The following CNOT1 variants were observed in gnomAD, a reference collection of about 807,000 sequenced individuals.
CNOT1 encodes the protein CCR4-associated factor 1.
In CNOT1, 15 loss-of-function variants were observed where a neutral mutation model predicts 273.8. That is an observed-to-expected ratio of 0.05 (90% CI 0.04 to 0.08). The LOEUF (loss-of-function observed/expected upper bound fraction) is 0.08. Among genes scored for constraint, CNOT1 ranks in the 10% least tolerant of loss-of-function variants. CNOT1 has a pLI of 1.00. For missense variants in CNOT1, 1,644 were observed against 2,912.2 expected (o/e 0.56, Z 10.02); for synonymous variants, 1,022 against 1,005.5 (o/e 1.02, Z -0.31).
At chr16:58,577,741 G>A (rs2041508580) in intron 13 of CNOT1, among the ~76,000 whole-genome samples, 1 of 151,872 alleles carries the variant, frequency 6.6e-6, no homozygotes, top group Admixed American at 6.6e-5. Flanking sequence ...TAGGATGGCT[G>A]AGGCAGAATG....
rs754168112 is a variant in CNOT1 at position 58,555,877 on chromosome 16, G to A, written c.2511C>T (p.Asn837=). The A allele has an allele frequency of 6.2e-7, 1 of 1,613,374 alleles. No individual in the cohort carries two copies. The highest frequency in any genetic ancestry group is 1.7e-5 in the Admixed American group (1 of 60,002). The change falls in exon 20 of 49, where the codon AAC becomes AAT. Residue 837 remains asparagine (N), a synonymous_variant. Coordinates refer to ENST00000317147, the MANE Select transcript of CNOT1 (RefSeq NM_016284.5). ...CATCTATCTCTTTACTAAAGTGCTGGTTTGCCTCTGGCCACACCTGAGACA... is the reference window on the plus strand; with the variant it reads ...CATCTATCTCTTTACTAAAGTGCTGATTTGCCTCTGGCCACACCTGAGACA... ...SDLSQVWPEA[N]QHFSKEIDDE...
intron 1 of CNOT1, among the ~76,000 whole-genome samples, chr16:58,609,896 C>A (rs1033336687): frequency 6.6e-6 from 1 of 150,606 alleles, no homozygotes; most frequent in Admixed American, 6.6e-5. Flanking sequence ...TATAATAATA[C>A]ATTAACATGT....
At chr16:58,530,787 AAAAAAAAAG>A (rs1340427131) in intron 42 of CNOT1, 1 of 151,770 alleles carries the variant, frequency 6.6e-6, no homozygotes. Flanking sequence ...TCCATCAAAA[AAAAAAAAAG>A]AAAAGAAAAG....
At chr16:58,578,390 G>A (rs1357661728) in intron 13 of CNOT1, among the ~76,000 whole-genome samples, 2 of 148,566 alleles carry the variant, frequency 1.3e-5, no homozygotes, top group Non-Finnish European at 3.0e-5. Context: ...GGAGATGGAG[G>A]TTGCAGTGAG....
intron 2 of CNOT1, chr16:58,597,899 G>A: frequency 3.8e-6 from 1 of 262,928 alleles, no homozygotes; most frequent in Non-Finnish European, 7.4e-6. Flanking sequence ...TGCACTGCTG[G>A]CTTCCAACTT....
intron 2 of CNOT1, among the ~76,000 whole-genome samples, chr16:58,598,125 G>A (rs1454254194): frequency 2.6e-5 from 4 of 151,518 alleles, no homozygotes; most frequent in South Asian, 2.1e-4. Flanking sequence ...TTTGCCGGGC[G>A]CAGTGGCTCA....
rs1393929763 is a variant in CNOT1, at chr16:58,581,407, A to G, written c.1153T>C (p.Leu385=). The G allele has an allele frequency of 6.2e-7, 1 of 1,614,068 alleles. No individual in the cohort carries two copies. ...HNVVYGIQRG[L]GMEVFPVDLI... is the part of the protein sequence containing the mutation. ...TCTACTGGGAACACTTCCATACCCA[A>G]ACCCCTCTGAATGCCATAAACCACA... The change falls in exon 11 of 49, where the codon TTG becomes CTG. Residue 385 remains leucine (L), a synonymous_variant. Coordinates refer to ENST00000317147, the MANE Select transcript of CNOT1 (RefSeq NM_016284.5).
intron 38 of CNOT1, 144 bp downstream of exon 38, chr16:58,537,747 A>G (rs2039968890): frequency 9.4e-7 from 1 of 1,065,622 alleles, no homozygotes; most frequent in Non-Finnish European, 1.3e-6. Flanking sequence ...TCAAGTGACA[A>G]TATTAGCCCT....
intron 45 of CNOT1, 35 bp from the exon 46 acceptor site, chr16:58,525,394 C>A (rs964675889): frequency 1.9e-6 from 3 of 1,587,560 alleles, no homozygotes; most frequent in Non-Finnish European, 1.7e-6. Context: ...CTTATGCTTA[C>A]TCCTGCAGAG....
intron 2 of CNOT1, among the ~76,000 whole-genome samples, chr16:58,598,494 A>C (rs982088132): frequency 6.6e-6 from 1 of 151,344 alleles, no homozygotes; most frequent in Non-Finnish European, 1.5e-5. Context: ...ACTTGAACCC[A>C]GGACAAGGAG....
intron 44 of CNOT1, among the ~76,000 whole-genome samples, chr16:58,526,511 TAAAAAAAAA>T (rs57367601): frequency 8.7e-5 from 7 of 80,814 alleles, no homozygotes; most frequent in East Asian, 3.6e-4. Flanking sequence ...ACTTACTCCT[TAAAAAAAAA>T]AAAAAAAAAA....
intron 1 of CNOT1, among the ~76,000 whole-genome samples, chr16:58,619,336 G>A (rs9783796): frequency 0.36 from 54,546 of 151,626 alleles, 10,821 homozygotes; most frequent in Non-Finnish European, 0.45. Flanking sequence ...TTCATCTTTA[G>A]GCAGTCTCAG....
intron 1 of CNOT1, among the ~76,000 whole-genome samples, chr16:58,600,945 C>CTGT (rs1326078963): frequency 1.3e-5 from 2 of 152,122 alleles, no homozygotes; most frequent in Admixed American, 6.6e-5. Flanking sequence ...CATCTCTATT[C>CTGT]TGTTGTTGTT....
In CNOT1 at chr16:58,619,708, G is replaced by A. The variant is rs192101543; in HGVS notation, c.-175+10020C>T. On this transcript the variant is annotated intron_variant, in intron 1 of 48. Transcript: ENST00000317147. ...CAAAGTGCTGGGATTACAGGCGTGA[G>A]CCACCGCGCGTAGCCAAGTTTTGCA... 2.6e-5 allele frequency among the ~76,000 whole-genome samples: 4 copies of A among 152,234 alleles called. No homozygotes were observed. In the East Asian group the frequency reaches 7.7e-4, roughly 29 times the overall value.
chr16:58,575,161 T>C (rs2041414889), intron 14 of CNOT1, 32 bp from the exon 15 acceptor site: 2 of 1,600,462 alleles, frequency 1.2e-6, no homozygotes, highest in African/African-American at 2.7e-5. Flanking sequence ...ATAATGCAAA[T>C]GGAGCAATTA....
chr16:58,523,117 C>CGCCT (rs1286133610), intron 47 of CNOT1: 1 of 235,318 alleles, frequency 4.2e-6, no homozygotes, highest in African/African-American at 2.3e-5. Context: ...TGGTGGCAGG[C>CGCCT]GCCTGTAATC....
rs141722267 is a variant in CNOT1, at chr16:58,538,801, C to T, written c.5106G>A (p.Gly1702=). The T allele has an allele frequency of 1.1e-4, 171 of 1,612,556 alleles. No homozygotes were observed. Among genetic ancestry groups the T allele is most frequent in the Non-Finnish European group, 1.3e-4 (155 of 1,179,850 alleles). Residue 1702 remains glycine (G), a synonymous_variant, in exon 36 of 49, where the codon GGG becomes GGA. Coordinates refer to ENST00000317147, the MANE Select transcript of CNOT1 (RefSeq NM_016284.5). ...LKALQDGRAY[G]SPWCNKQITR... is the part of the protein sequence containing the mutation. ...TGATCTGTTTGTTGCACCATGGAGA[C>T]CCATATGCCCGGCCATCCTGCAGAG...
At chr16:58,530,764 A>G (rs2039754126) in intron 42 of CNOT1, 1 of 150,820 alleles carries the variant, frequency 6.6e-6, no homozygotes, top group Admixed American at 6.6e-5. Flanking sequence ...AGCCTGGACA[A>G]CAAGAGCAAA....
At chr16:58,606,534 G>A (rs1971073) in intron 1 of CNOT1, among the ~76,000 whole-genome samples, 114,511 of 152,186 alleles carry the variant, frequency 0.75, 43,497 homozygotes, top group Middle Eastern at 0.86. Context: ...CAGGCGCACC[G>A]GCTCACGCCT....
Sources: gnomAD v4.1 joint callset for allele counts (sites outside exome capture counted in the v4.1 genomes callset) on GRCh38, gnomAD v4.1.1 for gene constraint, MANE v1.5 for transcripts, NCBI Gene and HGNC (gene_info 2026-07-23, HGNC 2026-07-21) for gene names.